CNTN5: variants seen among roughly 807,000 people sequenced by gnomAD.
The protein encoded by CNTN5 is contactin 5, also known as contactin-5.
A neutral mutation model predicts 129.1 loss-of-function variants in CNTN5; 77 were observed. The observed-to-expected ratio is 0.60, with a 90% CI of 0.50 to 0.72. CNTN5 has a LOEUF of 0.72. CNTN5 is among the 30% of genes least tolerant of loss of function. The pLI is 0.00. For missense variants in CNTN5, 1,478 were observed against 1,328.8 expected (o/e 1.11, Z -1.75); for synonymous variants, 509 against 465.6 (o/e 1.09, Z -1.20).
At chr11:99,187,590 G>A (rs529283997) in intron 1 of CNTN5, among the ~76,000 whole-genome samples, 1 of 151,672 alleles carries the variant, frequency 6.6e-6, no homozygotes, top group South Asian at 2.1e-4. Flanking sequence ...AATATCTTGA[G>A]TTTTACTTTT....
chr11:100,150,884 A>C (rs1179460274), intron 13 of CNTN5, among the ~76,000 whole-genome samples: 1 of 152,032 alleles, frequency 6.6e-6, no homozygotes, highest in Non-Finnish European at 1.5e-5. Context: ...TTGGGAGACA[A>C]TTAGGTTTTA....
intron 3 of CNTN5, among the ~76,000 whole-genome samples, chr11:99,649,482 A>G (rs1008631947): frequency 1.3e-5 from 2 of 151,796 alleles, no homozygotes; most frequent in Non-Finnish European, 3.0e-5. Context: ...AATCTCAGGT[A>G]TTTTACTGAC....
chr11:99,610,245 C>T (rs1397451948), intron 3 of CNTN5, among the ~76,000 whole-genome samples: 1 of 152,124 alleles, frequency 6.6e-6, no homozygotes, highest in Non-Finnish European at 1.5e-5. Flanking sequence ...TGTAGGGGTT[C>T]TATTAATGGG....
chr11:100,040,572 A>G (rs1281451641), intron 9 of CNTN5, among the ~76,000 whole-genome samples: 1 of 152,180 alleles, frequency 6.6e-6, no homozygotes, highest in Non-Finnish European at 1.5e-5. Context: ...CCAGAGGTGG[A>G]GCCTACAGAG....
intron 2 of CNTN5, among the ~76,000 whole-genome samples, chr11:99,356,741 C>T (rs926690723): frequency 1.3e-4 from 20 of 151,416 alleles, no homozygotes; most frequent in African/African-American, 2.2e-4. Flanking sequence ...CCTAGGAATA[C>T]GAAAAAGAAA....
intron 15 of CNTN5, among the ~76,000 whole-genome samples, chr11:100,212,513 A>T (rs1334766629): frequency 1.3e-5 from 2 of 152,170 alleles, no homozygotes; most frequent in Non-Finnish European, 2.9e-5. Context: ...TTGCATAAAA[A>T]TATGCAGCAT....
chr11:99,366,863 G>A (rs1939476418), intron 2 of CNTN5, among the ~76,000 whole-genome samples: 1 of 152,122 alleles, frequency 6.6e-6, no homozygotes, highest in Non-Finnish European at 1.5e-5. Flanking sequence ...TAATAGAAAA[G>A]GGGAAATTGT....
rs548694287 is a variant in CNTN5, at chr11:99,320,392, G to A, written c.-209-4954G>A. On this transcript the variant is annotated intron_variant, in intron 1 of 24. Coordinates refer to ENST00000524871, the MANE Select transcript of CNTN5 (RefSeq NM_014361.4). ...GGGACAATGAAAGGAAGCAGGCATA[G>A]TTCCTAGTGTCAGTTTTACACATGT... is the stretch of plus-strand genomic sequence containing the variant. Among the ~76,000 whole-genome samples, 49 of 152,302 alleles carry A rather than the reference G, an allele frequency of 3.2e-4. 2 individuals carry two copies. The South Asian group carries it at 1.0e-2, about 31-fold the overall frequency.
chr11:100,031,595 T>C (rs569890675), intron 9 of CNTN5, among the ~76,000 whole-genome samples: 2 of 152,326 alleles, frequency 1.3e-5, no homozygotes, highest in Middle Eastern at 3.4e-3. Context: ...TAACCAGTTG[T>C]CTAGCTTCAC....
At chr11:99,832,165 A>G (rs1193384310) in intron 4 of CNTN5, among the ~76,000 whole-genome samples, 1 of 152,156 alleles carries the variant, frequency 6.6e-6, no homozygotes, top group East Asian at 1.9e-4. Flanking sequence ...CTTTTTGTCT[A>G]ACATCATTTC....
At chr11:100,304,573 G>T (rs1197778279) in intron 20 of CNTN5, among the ~76,000 whole-genome samples, 4 of 151,542 alleles carry the variant, frequency 2.6e-5, no homozygotes, top group African/African-American at 9.7e-5. Flanking sequence ...TTTCTGGCAA[G>T]ATCTAGAAAT....
intron 2 of CNTN5, among the ~76,000 whole-genome samples, chr11:99,348,554 C>A (rs1015595209): frequency 2.6e-5 from 4 of 152,214 alleles, no homozygotes; most frequent in African/African-American, 9.6e-5. Flanking sequence ...GAAACTCCAA[C>A]CTACAGACTG....
intron 2 of CNTN5, among the ~76,000 whole-genome samples, chr11:99,393,181 A>G (rs1388206369): frequency 6.6e-6 from 1 of 151,856 alleles, no homozygotes; most frequent in Non-Finnish European, 1.5e-5. Flanking sequence ...AACTGGAAGG[A>G]AAGTGTACTC....
intron 13 of CNTN5, among the ~76,000 whole-genome samples, chr11:100,167,359 A>G (rs1052454052): frequency 6.6e-6 from 1 of 151,858 alleles, no homozygotes; most frequent in Non-Finnish European, 1.5e-5. Flanking sequence ...GATGACTGAT[A>G]AATACATTTA....
At chr11:99,892,846 T>C (rs924830597) in intron 6 of CNTN5, among the ~76,000 whole-genome samples, 1 of 152,186 alleles carries the variant, frequency 6.6e-6, no homozygotes, top group African/African-American at 2.4e-5. Context: ...TTAAAGTAGT[T>C]TTTTCTAATT....
At chr11:99,685,501 C>A (rs1469779358) in intron 3 of CNTN5, among the ~76,000 whole-genome samples, 1 of 151,800 alleles carries the variant, frequency 6.6e-6, no homozygotes, top group East Asian at 1.9e-4. Flanking sequence ...TTATTTTTGT[C>A]AATTTCAGCT....
intron 6 of CNTN5, among the ~76,000 whole-genome samples, chr11:99,866,116 A>G (rs985804298): frequency 1.3e-5 from 2 of 152,170 alleles, no homozygotes; most frequent in Non-Finnish European, 2.9e-5. Flanking sequence ...GTAATTTTTT[A>G]ATAAGAGGAA....
At chr11:99,907,514 C>T (rs1949541166) in intron 6 of CNTN5, among the ~76,000 whole-genome samples, 1 of 151,778 alleles carries the variant, frequency 6.6e-6, no homozygotes, top group South Asian at 2.1e-4. Flanking sequence ...TTAGAATAAT[C>T]CCCTTTATTG....
intron 1 of CNTN5, among the ~76,000 whole-genome samples, chr11:99,265,081 C>A (rs541939433): frequency 9.9e-5 from 15 of 151,572 alleles, no homozygotes; most frequent in Non-Finnish European, 8.8e-5. Flanking sequence ...CTTAGGTGTG[C>A]TCCATGTATT....
Sources: allele counts gnomAD v4.1 joint callset (sites outside exome capture counted in the v4.1 genomes callset), GRCh38; gene constraint gnomAD v4.1.1; transcripts MANE v1.5; gene names NCBI Gene and HGNC (gene_info 2026-07-23, HGNC 2026-07-21).